DOK6: variants seen among roughly 807,000 people sequenced by gnomAD.
The protein encoded by DOK6 is downstream of tyrosine kinase 6.
Under a neutral mutation model 44.0 loss-of-function variants are expected in DOK6, and 22 were observed. The ratio of observed to expected loss-of-function variants is 0.50; its 90% CI spans 0.36 to 0.71. DOK6 has a LOEUF of 0.71. Among genes scored for constraint, DOK6 ranks in the 30% least tolerant of loss-of-function variants. The pLI is 0.00. For missense variants in DOK6, 340 were observed against 416.4 expected (o/e 0.82, Z 1.60); for synonymous variants, 166 against 145.5 (o/e 1.14, Z -1.01).
intron 7 of DOK6, among the ~76,000 whole-genome samples, chr18:69,834,223 G>T (rs1262553872): frequency 6.6e-6 from 1 of 152,176 alleles, no homozygotes; most frequent in African/African-American, 2.4e-5. Context: ...CCTGTCATTT[G>T]CAGTGACATG....
intron 1 of DOK6, among the ~76,000 whole-genome samples, chr18:69,519,020 A>G (rs947027246): frequency 6.6e-6 from 1 of 152,072 alleles, no homozygotes; most frequent in African/African-American, 2.4e-5. Context: ...GTTTCATGTC[A>G]ATTGCAAGAG....
chr18:69,576,220 G>C (rs1365904747), intron 2 of DOK6, among the ~76,000 whole-genome samples: 2 of 151,878 alleles, frequency 1.3e-5, no homozygotes, highest in African/African-American at 2.4e-5. Flanking sequence ...TGGATCTCCA[G>C]AATTGGGAAA....
At chr18:69,616,116 A>G (rs545397988) in intron 3 of DOK6, among the ~76,000 whole-genome samples, 80 of 152,190 alleles carry the variant, frequency 5.3e-4, no homozygotes, top group Non-Finnish European at 9.8e-4. Context: ...AACTCTAGAA[A>G]TTAATGGCAT....
At chr18:69,690,317 A>C (rs965303399) in intron 4 of DOK6, among the ~76,000 whole-genome samples, 1 of 152,194 alleles carries the variant, frequency 6.6e-6, no homozygotes, top group Admixed American at 6.5e-5. Context: ...TAATAAAATA[A>C]ATTTTGATGA....
intron 1 of DOK6, among the ~76,000 whole-genome samples, chr18:69,496,585 T>A (rs1039657140): frequency 6.6e-6 from 1 of 152,248 alleles, no homozygotes; most frequent in African/African-American, 2.4e-5. Context: ...TTGGACACAA[T>A]GTTTTTTCTG....
chr18:69,431,323 T>A (rs1031691866), intron 1 of DOK6, among the ~76,000 whole-genome samples: 1 of 152,202 alleles, frequency 6.6e-6, no homozygotes, highest in Non-Finnish European at 1.5e-5. Flanking sequence ...CTGTGTCCAG[T>A]TACCCCTTAT....
At chr18:69,431,086 A>G (rs72955488) in intron 1 of DOK6, among the ~76,000 whole-genome samples, 11,665 of 152,280 alleles carry the variant, frequency 0.077, 550 homozygotes, top group Non-Finnish European at 0.1. Flanking sequence ...TTAATGAAGG[A>G]CACTGCACAG....
intron 1 of DOK6, among the ~76,000 whole-genome samples, chr18:69,492,577 C>G (rs1193641318): frequency 6.6e-6 from 1 of 151,984 alleles, no homozygotes; most frequent in East Asian, 1.9e-4. Context: ...TCCTCACCCT[C>G]CATCCTCAAC....
intron 3 of DOK6, among the ~76,000 whole-genome samples, chr18:69,629,850 ATGCG>A: frequency 6.6e-6 from 1 of 152,150 alleles, no homozygotes. Context: ...GAGTGCAGTG[ATGCG>A]ATCTCAGCTC....
At chr18:69,670,239 A>G (rs1432574821) in intron 3 of DOK6, among the ~76,000 whole-genome samples, 1 of 152,202 alleles carries the variant, frequency 6.6e-6, no homozygotes, top group Non-Finnish European at 1.5e-5. Context: ...CAGATTTGGT[A>G]CAGAGAAACA....
chr18:69,639,498 T>C (rs1984888960), intron 3 of DOK6, among the ~76,000 whole-genome samples: 1 of 152,168 alleles, frequency 6.6e-6, no homozygotes, highest in Non-Finnish European at 1.5e-5. Context: ...CAGTTTTCCT[T>C]TTCATAGCTT....
At chr18:69,543,209 A>G (rs1287921266) in intron 1 of DOK6, among the ~76,000 whole-genome samples, 1 of 151,506 alleles carries the variant, frequency 6.6e-6, no homozygotes, top group Admixed American at 6.6e-5. Context: ...GGGCTTTCAG[A>G]CATGAAAAAT....
At chr18:69,706,024 CT>C (rs1353310530) in intron 5 of DOK6, among the ~76,000 whole-genome samples, 5 of 152,264 alleles carry the variant, frequency 3.3e-5, no homozygotes, top group African/African-American at 1.2e-4. Context: ...CATGCAGGTT[CT>C]CAAGGTAAAC....
intron 1 of DOK6, among the ~76,000 whole-genome samples, chr18:69,439,070 A>AT (rs1979064479): frequency 1.8e-5 from 1 of 54,270 alleles, no homozygotes; most frequent in South Asian, 8.9e-4. Flanking sequence ...GTCTCAAAAA[A>AT]CAAACAAAAA....
chr18:69,752,872 A>T (rs943002908), intron 6 of DOK6, among the ~76,000 whole-genome samples: 1 of 152,100 alleles, frequency 6.6e-6, no homozygotes, highest in African/African-American at 2.4e-5. Context: ...GCATATTACC[A>T]CAGCCAAGGG....
At chr18:69,428,592 T>C (rs913794067) in intron 1 of DOK6, among the ~76,000 whole-genome samples, 1 of 152,112 alleles carries the variant, frequency 6.6e-6, no homozygotes, top group African/African-American at 2.4e-5. Context: ...GAAAAATTAC[T>C]AAGTTATGTA....
At chr18:69,538,945 G>C (rs116766019) in intron 1 of DOK6, among the ~76,000 whole-genome samples, 1 of 152,086 alleles carries the variant, frequency 6.6e-6, no homozygotes, top group Admixed American at 6.6e-5. Context: ...CATCTGTAAC[G>C]TGGAAATAAT....
intron 3 of DOK6, among the ~76,000 whole-genome samples, chr18:69,609,149 A>C (rs1017574790): frequency 6.6e-6 from 1 of 152,132 alleles, no homozygotes; most frequent in Non-Finnish European, 1.5e-5. Flanking sequence ...AAACTTGGCG[A>C]ATGGAAATTG....
chr18:69,677,916 G>A (rs1203067271), intron 4 of DOK6, 63 bp downstream of exon 4: 5 of 1,555,426 alleles, frequency 3.2e-6, no homozygotes, highest in Non-Finnish European at 4.4e-6. Flanking sequence ...CTTTGAAACT[G>A]GAAAGGATCT....
Sources: gnomAD v4.1 joint callset for allele counts (sites outside exome capture counted in the v4.1 genomes callset) on GRCh38, gnomAD v4.1.1 for gene constraint, MANE v1.5 for transcripts, NCBI Gene and HGNC (gene_info 2026-07-23, HGNC 2026-07-21) for gene names.